TTBK2: variants seen among roughly 807,000 people sequenced by gnomAD.
TTBK2 encodes the protein tau-tubulin kinase 2.
TTBK2 carries 28 observed loss-of-function variants against 110.8 expected under a neutral mutation model. The ratio of observed to expected loss-of-function variants is 0.25; its 90% confidence interval spans 0.19 to 0.35. The LOEUF (loss-of-function observed/expected upper bound fraction) is 0.35. Among genes scored for constraint, TTBK2 ranks in the 10% least tolerant of loss-of-function variants. The pLI is 1.00. For synonymous variants in TTBK2, 532 were observed against 527.3 expected (o/e 1.01, Z -0.12); for missense variants, 1,369 against 1,500.3 (o/e 0.91, Z 1.45).
Position 42,905,949 on chromosome 15 carries a change from G to T in TTBK2, c.-68+14489C>A, listed in dbSNP as rs1452105835. On this transcript the variant is annotated intron_variant, in intron 1 of 14. Transcript: ENST00000267890. Reference sequence around the variant, plus strand: ...CACACCTGTAATCCCAGCACTTTGGGAGGCCAACACAGGCCGATCACCTGA... The same window carrying T: ...CACACCTGTAATCCCAGCACTTTGGTAGGCCAACACAGGCCGATCACCTGA... Among the ~76,000 whole-genome samples the T allele has an allele frequency of 3.9e-5, 6 of 152,286 alleles. No individual in the cohort carries two copies. The East Asian group carries it at 1.2e-3, about 29-fold the overall frequency.
intron 11 of TTBK2, among the ~76,000 whole-genome samples, chr15:42,781,334 TCAGAA>T (rs1890170042): frequency 1.3e-5 from 2 of 152,268 alleles, no homozygotes; most frequent in Admixed American, 6.5e-5. Flanking sequence ...GGAAAAATAT[TCAGAA>T]CAGAATGAGA....
intron 3 of TTBK2, among the ~76,000 whole-genome samples, chr15:42,869,823 A>G (rs949659185): frequency 6.6e-6 from 1 of 152,226 alleles, no homozygotes; most frequent in African/African-American, 2.4e-5. Flanking sequence ...GCTTATAAAT[A>G]GATAATTTAG....
At chr15:42,846,805 C>A (rs1893487026) in intron 3 of TTBK2, among the ~76,000 whole-genome samples, 1 of 152,124 alleles carries the variant, frequency 6.6e-6, no homozygotes, top group South Asian at 2.1e-4. Flanking sequence ...CACCCACCAA[C>A]CTCCAGGAAA....
intron 1 of TTBK2, among the ~76,000 whole-genome samples, chr15:42,906,654 G>A (rs145807243): frequency 2.0e-5 from 3 of 152,154 alleles, no homozygotes; most frequent in African/African-American, 7.2e-5. Context: ...AAAAGCACAG[G>A]CAACCAAGGC....
At chr15:42,806,193 G>A (rs1420278673) in intron 9 of TTBK2, among the ~76,000 whole-genome samples, 1 of 151,696 alleles carries the variant, frequency 6.6e-6, no homozygotes, top group Non-Finnish European at 1.5e-5. Flanking sequence ...GAACCCAGGA[G>A]GCAGAGGTTG....
chr15:42,836,244 T>C (rs956704210), intron 4 of TTBK2, among the ~76,000 whole-genome samples: 16 of 152,220 alleles, frequency 1.1e-4, no homozygotes, highest in African/African-American at 3.6e-4. Context: ...AGAGATAAGG[T>C]TGTTCCTTAA....
intron 1 of TTBK2, among the ~76,000 whole-genome samples, 163 bp downstream of exon 1, chr15:42,920,275 A>G (rs1255310847): frequency 2.0e-5 from 3 of 152,092 alleles, no homozygotes; most frequent in Non-Finnish European, 4.4e-5. Context: ...CGAGATGGAG[A>G]GTGACGGGGT....
intron 4 of TTBK2, among the ~76,000 whole-genome samples, chr15:42,833,247 TAAAA>T (rs35997543): frequency 8.0e-5 from 6 of 74,870 alleles, no homozygotes; most frequent in South Asian, 4.7e-4. Context: ...CCAAATTTTG[TAAAA>T]AAAAAAAAAA....
chr15:42,885,239 T>C (rs1216450996), intron 1 of TTBK2, among the ~76,000 whole-genome samples: 2 of 152,182 alleles, frequency 1.3e-5, no homozygotes, highest in African/African-American at 4.8e-5. Context: ...CAGTCCCCTG[T>C]CCTCACCCTC....
chr15:42,812,131 G>C (rs1340791469), intron 7 of TTBK2, among the ~76,000 whole-genome samples: 3 of 152,138 alleles, frequency 2.0e-5, no homozygotes, highest in African/African-American at 7.2e-5. Context: ...TGATGCTGAA[G>C]TTTTGGCTGC....
At chr15:42,901,831 T>C (rs1200010643) in intron 1 of TTBK2, among the ~76,000 whole-genome samples, 1 of 152,106 alleles carries the variant, frequency 6.6e-6, no homozygotes, top group South Asian at 2.1e-4. Flanking sequence ...AGGACTTGAA[T>C]AGACACTTGT....
chr15:42,885,570 A>G (rs1311350347), intron 1 of TTBK2, among the ~76,000 whole-genome samples: 1 of 152,196 alleles, frequency 6.6e-6, no homozygotes, highest in Non-Finnish European at 1.5e-5. Context: ...TTATTCACCC[A>G]CGTTTCAGAG....
chr15:42,826,185 A>G (rs1324381121), intron 6 of TTBK2, among the ~76,000 whole-genome samples: 1 of 152,270 alleles, frequency 6.6e-6, no homozygotes, highest in East Asian at 1.9e-4. Flanking sequence ...ATTTTACATT[A>G]GTAGAATATG....
At chr15:42,919,226 A>G (rs141671308) in intron 1 of TTBK2, among the ~76,000 whole-genome samples, 70 of 152,326 alleles carry the variant, frequency 4.6e-4, no homozygotes, top group African/African-American at 1.6e-3. Context: ...ACTTCAGACA[A>G]ATGCCTCAAG....
At chr15:42,859,480 C>G (rs1176243054) in intron 3 of TTBK2, among the ~76,000 whole-genome samples, 1 of 152,086 alleles carries the variant, frequency 6.6e-6, no homozygotes, top group Non-Finnish European at 1.5e-5. Flanking sequence ...TTCTAACTAT[C>G]CTGTCTCACC....
rs1319320533 is a variant in TTBK2 at position 42,838,015 on chromosome 15, C to T, written c.291+2345G>A. Among the ~76,000 whole-genome samples, 4 of 152,026 alleles carry T rather than the reference C, an allele frequency of 2.6e-5. No homozygotes were observed. The South Asian group carries it at 8.3e-4, about 32-fold the overall frequency. ...CTGAGGTTAGGAGTTTAATGCCAGC[C>T]TGGCCAGCATGGTGAAACCCTGTCT... On this transcript the variant is annotated intron_variant, in intron 4 of 14. Transcript: ENST00000267890.
In TTBK2 at chr15:42,752,305, G is replaced by A. The variant is rs180791005; in HGVS notation, c.2941C>T (p.Leu981Phe). 3 of 1,614,220 alleles carry A rather than the reference G, an allele frequency of 1.9e-6. No homozygotes were observed. The highest frequency in any genetic ancestry group is 8.5e-7 in the Non-Finnish European group (1 of 1,180,040). The change falls in exon 14 of 15, where the codon CTT (leucine) becomes TTT (phenylalanine). Residue 981 changes from leucine to phenylalanine, a missense_variant. Physicochemically the swap from Leu to Phe is conservative, Grantham distance 22 (BLOSUM62 0). Coordinates refer to ENST00000267890, the MANE Select transcript of TTBK2 (RefSeq NM_173500.4). ...TTGAATTGTCTTTTTTCCACCAGAA[G>A]CTTGACTAGGTCTGGCTGATAGGCT... ...KKAYQPDLVK[L>F]LVEKRQFKSF...
At chr15:42,792,767 C>T (rs1029229715) in intron 10 of TTBK2, among the ~76,000 whole-genome samples, 12 of 152,090 alleles carry the variant, frequency 7.9e-5, no homozygotes, top group Admixed American at 3.3e-4. Flanking sequence ...ATTTTTTTCT[C>T]TCTTTTTATT....
chr15:42,833,709 C>A (rs376258469), intron 4 of TTBK2, among the ~76,000 whole-genome samples: 2 of 151,732 alleles, frequency 1.3e-5, no homozygotes, highest in African/African-American at 4.8e-5. Context: ...CTCATCACTA[C>A]AAAATATTAA....
Sources: allele counts gnomAD v4.1 joint callset (sites outside exome capture counted in the v4.1 genomes callset), GRCh38; gene constraint gnomAD v4.1.1; transcripts MANE v1.5; gene names NCBI Gene and HGNC (gene_info 2026-07-23, HGNC 2026-07-21).